RANBP2: variants seen among roughly 807,000 people sequenced by gnomAD.
RANBP2 encodes E3 SUMO-protein ligase RanBP2.
Under a neutral mutation model 303.6 loss-of-function variants are expected in RANBP2, and 57 were observed. The ratio of observed to expected loss-of-function variants is 0.19; its 90% confidence interval spans 0.15 to 0.23. The LOEUF is 0.23. Among genes scored for constraint, RANBP2 ranks in the 10% least tolerant of loss-of-function variants. The pLI, the probability that RANBP2 is intolerant of heterozygous loss-of-function variation, is 1.00. For missense variants in RANBP2, 3,138 were observed against 3,780.8 expected (o/e 0.83, Z 4.46); for synonymous variants, 1,167 against 1,301.5 (o/e 0.90, Z 2.23).
the RANBP2 span, among the ~76,000 whole-genome samples, chr2:109,573,679 A>G: frequency 6.6e-6 from 1 of 152,206 alleles, no homozygotes; most frequent in African/African-American, 2.4e-5. Flanking sequence ...AGGATCATGA[A>G]AGCTTCATTT....
the RANBP2 span, among the ~76,000 whole-genome samples, chr2:109,376,860 C>T: frequency 6.6e-6 from 1 of 152,222 alleles, no homozygotes; most frequent in African/African-American, 2.4e-5. Flanking sequence ...GGAGGAAGAA[C>T]CCCTTCCTTT....
chr2:109,735,340 T>A, the RANBP2 span, among the ~76,000 whole-genome samples: 1 of 152,216 alleles, frequency 6.6e-6, no homozygotes, highest in Non-Finnish European at 1.5e-5. Context: ...TGAGAGAATT[T>A]TATTTTTTAT....
chr2:109,459,298 AT>A, the RANBP2 span, among the ~76,000 whole-genome samples: 2 of 152,122 alleles, frequency 1.3e-5, no homozygotes, highest in African/African-American at 4.8e-5. Context: ...TACAATCCTC[AT>A]TTCTGTAGCT....
chr2:109,343,829 C>G, the RANBP2 span, among the ~76,000 whole-genome samples: 5 of 151,932 alleles, frequency 3.3e-5, no homozygotes, highest in South Asian at 2.1e-4. Flanking sequence ...ACTGCAGCCT[C>G]GAACTCCCAG....
chr2:109,558,928 C>T, the RANBP2 span, among the ~76,000 whole-genome samples: 1 of 152,004 alleles, frequency 6.6e-6, no homozygotes, highest in Non-Finnish European at 1.5e-5. Flanking sequence ...CTCTGTTGCC[C>T]AGGCTGGAGT....
chr2:109,157,439 AC>A, the RANBP2 span, among the ~76,000 whole-genome samples: 1 of 152,236 alleles, frequency 6.6e-6, no homozygotes, highest in Non-Finnish European at 1.5e-5. Flanking sequence ...AATATAAATG[AC>A]ATTTTCAATC....
chr2:109,687,600 C>T, the RANBP2 span, among the ~76,000 whole-genome samples: 1 of 152,120 alleles, frequency 6.6e-6, no homozygotes, highest in Non-Finnish European at 1.5e-5. Flanking sequence ...AGTACATTTA[C>T]TGTCTTCAAC....
chr2:109,175,750 T>C, the RANBP2 span, among the ~76,000 whole-genome samples: 15 of 152,204 alleles, frequency 9.9e-5, no homozygotes, highest in Non-Finnish European at 2.1e-4. Context: ...CTTTGAACAG[T>C]GTAATTGTAA....
At chr2:109,602,419 TAATGCCAGCACCTTGGGAGGCCAAGG>T in the RANBP2 span, among the ~76,000 whole-genome samples, 1 of 152,166 alleles carries the variant, frequency 6.6e-6, no homozygotes, top group African/African-American at 2.4e-5. Flanking sequence ...CTCACGCCTG[TAATGCCAGCACCTTGGGAGGCCAAGG>T]CGGGTGGATC....
the RANBP2 span, among the ~76,000 whole-genome samples, chr2:109,012,683 G>C: frequency 3.9e-5 from 6 of 152,240 alleles, no homozygotes; most frequent in Admixed American, 1.3e-4. Flanking sequence ...GGGAGGCCGA[G>C]GCGGGTGGAT....
the RANBP2 span, among the ~76,000 whole-genome samples, chr2:109,488,822 C>T: frequency 1.8e-4 from 27 of 152,328 alleles, no homozygotes; most frequent in African/African-American, 5.3e-4. Flanking sequence ...GGGCCTGGCA[C>T]GGTGCACAAG....
the RANBP2 span, chr2:109,613,747 C>T: frequency 1.7e-6 from 2 of 1,169,764 alleles, no homozygotes; most frequent in Non-Finnish European, 2.1e-6. Context: ...CGGGAAGTCC[C>T]GCGGGGGCCG....
chr2:109,641,713 G>A, the RANBP2 span, among the ~76,000 whole-genome samples: 71,430 of 151,630 alleles, frequency 0.47, 17,079 homozygotes, highest in Middle Eastern at 0.62. Context: ...TGTATCTCTT[G>A]AATCACTTTT....
At chr2:108,930,992 G>A in the RANBP2 span, 15 of 1,613,852 alleles carry the variant, frequency 9.3e-6, no homozygotes, top group Admixed American at 1.7e-5. Flanking sequence ...GGGCGTCTGC[G>A]TGCAGTCCCC....
chr2:108,856,820 T>A, the RANBP2 span: 1 of 1,613,360 alleles, frequency 6.2e-7, no homozygotes. Context: ...GGCATTTGAT[T>A]CTCTTTGTTT....
chr2:109,445,147 C>T, the RANBP2 span, among the ~76,000 whole-genome samples: 1 of 151,980 alleles, frequency 6.6e-6, no homozygotes, highest in African/African-American at 2.4e-5. Flanking sequence ...GAATACAGAG[C>T]AGAGATGAAA....
chr2:108,935,345 G>T, the RANBP2 span, among the ~76,000 whole-genome samples: 1 of 152,194 alleles, frequency 6.6e-6, no homozygotes, highest in Non-Finnish European at 1.5e-5. Flanking sequence ...CCCTGGACCA[G>T]CAGCATTAGC....
intron 25 of RANBP2, among the ~76,000 whole-genome samples, chr2:108,779,202 C>G (rs558528601): frequency 2.0e-4 from 30 of 152,228 alleles, no homozygotes; most frequent in Admixed American, 7.2e-4. Flanking sequence ...CATTCTGTTG[C>G]CCAGGCTGGA....
At chr2:109,072,911 C>G in the RANBP2 span, among the ~76,000 whole-genome samples, 1 of 152,062 alleles carries the variant, frequency 6.6e-6, no homozygotes, top group Admixed American at 6.6e-5. Flanking sequence ...GACAAACACA[C>G]TGGTTTGAGA....
Sources: gnomAD v4.1 joint callset for allele counts (sites outside exome capture counted in the v4.1 genomes callset) on GRCh38, gnomAD v4.1.1 for gene constraint, MANE v1.5 for transcripts, NCBI Gene and HGNC (gene_info 2026-07-23, HGNC 2026-07-21) for gene names.